The following ZNF704 variants were observed in gnomAD, a reference collection of about 807,000 sequenced individuals.
ZNF704 encodes glucocorticoid induced gene 1.
ZNF704 carries 10 observed loss-of-function variants against 44.7 expected under a neutral mutation model. The observed-to-expected ratio is 0.22, with a 90% CI of 0.14 to 0.38. The LOEUF is 0.38. Among genes scored for constraint, ZNF704 ranks in the 10% least tolerant of loss-of-function variants. The pLI, the probability that ZNF704 is intolerant of heterozygous loss-of-function variation, is 1.00. For synonymous variants in ZNF704, 211 were observed against 207.6 expected (o/e 1.02, Z -0.14); for missense variants, 390 against 545.5 (o/e 0.71, Z 2.84).
At chr8:80,645,424 A>G (rs957318097) in intron 7 of ZNF704, among the ~76,000 whole-genome samples, 6 of 152,178 alleles carry the variant, frequency 3.9e-5, no homozygotes, top group African/African-American at 1.4e-4. Context: ...ACGTAAAGGA[A>G]TGCACATGAC....
intron 1 of ZNF704, among the ~76,000 whole-genome samples, chr8:80,861,799 C>T (rs75071453): frequency 0.012 from 1,770 of 151,610 alleles, 32 homozygotes; most frequent in African/African-American, 0.04. Context: ...TCCAGCCTAC[C>T]TGACGTCTCC....
chr8:80,733,462 C>T (rs964270205), intron 2 of ZNF704, among the ~76,000 whole-genome samples: 3 of 152,160 alleles, frequency 2.0e-5, no homozygotes, highest in Admixed American at 6.5e-5. Flanking sequence ...ACCAGCAATC[C>T]AAGATAATCT....
intron 4 of ZNF704, among the ~76,000 whole-genome samples, chr8:80,676,861 G>A (rs1159303590): frequency 5.9e-5 from 9 of 152,174 alleles, no homozygotes; most frequent in South Asian, 2.1e-4. Flanking sequence ...AATCTAATGC[G>A]GCTGTTGACC....
At chr8:80,876,621 T>C (rs1297138024), upstream of ZNF704, among the ~76,000 whole-genome samples, 1 of 152,192 alleles carries the variant, frequency 6.6e-6, no homozygotes, top group East Asian at 1.9e-4. Context: ...AGCTTTACTT[T>C]TACTCATCCT....
chr8:80,861,375 T>C lies in ZNF704; in HGVS notation c.-22+13196A>G, dbSNP rs191936893. On this transcript the variant is annotated intron_variant, in intron 1 of 8. Transcript: ENST00000327835. The stretch of plus-strand genomic sequence containing the variant: ...TTAACCCTCTCCTTTCCTCCACTTC[T>C]TTTTTTTCCTGAAAAATGCAATGAA... Among the ~76,000 whole-genome samples, 520 of 150,580 alleles carry C rather than the reference T, an allele frequency of 3.5e-3. 4 individuals carry two copies. The highest frequency in any genetic ancestry group is 0.028 in the South Asian group (133 of 4,816).
chr8:80,819,385 A>AT (rs1202043249), intron 2 of ZNF704, among the ~76,000 whole-genome samples: 2 of 152,184 alleles, frequency 1.3e-5, no homozygotes, highest in Admixed American at 6.5e-5. Flanking sequence ...GAATTAAAGA[A>AT]TAAAGGTATA....
At chr8:80,650,187 G>T (rs1220062542) in intron 7 of ZNF704, among the ~76,000 whole-genome samples, 1 of 151,344 alleles carries the variant, frequency 6.6e-6, no homozygotes, top group Non-Finnish European at 1.5e-5. Context: ...AAAGACCAAA[G>T]GTAGATAAAA....
At chr8:80,718,057 T>C (rs1308748624) in intron 2 of ZNF704, among the ~76,000 whole-genome samples, 1 of 152,188 alleles carries the variant, frequency 6.6e-6, no homozygotes, top group African/African-American at 2.4e-5. Context: ...GCCTTCCTCG[T>C]TTTTGTCTCC....
Position 80,636,880 on chromosome 8 carries a change from T to G in ZNF704, c.*4486A>C, listed in dbSNP as rs1817670049. On this transcript the variant is annotated 3_prime_UTR_variant, in exon 9 of 9. Coordinates refer to ENST00000327835, the MANE Select transcript of ZNF704 (RefSeq NM_001033723.3). Reference sequence around the variant, plus strand: ...CATGGAAGTTTGTTCGCTAACATGCTATTAAAGCAAAATGTACATCGTTCA... The same window carrying G: ...CATGGAAGTTTGTTCGCTAACATGCGATTAAAGCAAAATGTACATCGTTCA... 1 of 152,222 alleles carries G rather than the reference T, an allele frequency of 6.6e-6. No homozygotes were observed. The highest frequency in any genetic ancestry group is 1.5e-5 in the Non-Finnish European group (1 of 68,038). The allele number at this position is 152,222 out of a possible 1,614,324, so 9.4% of individuals were successfully genotyped here.
At chr8:80,726,392 GAC>G (rs1426574784) in intron 2 of ZNF704, among the ~76,000 whole-genome samples, 1 of 152,114 alleles carries the variant, frequency 6.6e-6, no homozygotes, top group Non-Finnish European at 1.5e-5. Flanking sequence ...GGTGTAAAAA[GAC>G]ACTTTTCAGC....
chr8:80,654,066 C>G (rs1274797737), intron 7 of ZNF704, among the ~76,000 whole-genome samples: 1 of 152,056 alleles, frequency 6.6e-6, no homozygotes, highest in Non-Finnish European at 1.5e-5. Flanking sequence ...CTTTGACAAA[C>G]CTGACAAAAA....
intron 8 of ZNF704, among the ~76,000 whole-genome samples, chr8:80,642,575 C>A (rs1429394689): frequency 6.6e-6 from 1 of 152,180 alleles, no homozygotes; most frequent in Non-Finnish European, 1.5e-5. Flanking sequence ...TCATTTATTT[C>A]TGGAATTCTC....
At chr8:80,728,785 C>G (rs1443036739) in intron 2 of ZNF704, among the ~76,000 whole-genome samples, 2 of 152,180 alleles carry the variant, frequency 1.3e-5, no homozygotes, top group Non-Finnish European at 2.9e-5. Context: ...CCTAAACTCA[C>G]TTTGTAACGC....
intron 1 of ZNF704, among the ~76,000 whole-genome samples, chr8:80,862,539 C>G (rs1809083019): frequency 6.8e-6 from 1 of 146,158 alleles, no homozygotes; most frequent in Non-Finnish European, 1.5e-5. Flanking sequence ...GCAGGCAGAT[C>G]ACCTGAGGGC....
rs1193947947 is a variant in ZNF704, at chr8:80,682,373, C to T, written c.558+4853G>A. Among the ~76,000 whole-genome samples, 5 of 152,198 alleles carry T rather than the reference C, an allele frequency of 3.3e-5. No homozygotes were observed. In the South Asian group the frequency reaches 8.3e-4, roughly 25 times the overall value. ...TGAGGTTCTTCCTAGTACACAGGTA[C>T]AACTGTTCATGGTTAAGACACATAC... On this transcript the variant is annotated intron_variant, in intron 4 of 8. Transcript: ENST00000327835.
rs766974376 is a variant in ZNF704, at chr8:80,643,016, GT to G, written c.1127+18del. ...ATTCCCTTGTGGTGAGGTGTGTGGAGTTTTTTAAGCTGTCGTACCTTAAGCT... is the reference window on the plus strand; with the variant it reads ...ATTCCCTTGTGGTGAGGTGTGTGGAGTTTTTAAGCTGTCGTACCTTAAGCT... On this transcript the variant is annotated intron_variant, in intron 8 of 8. Transcript: ENST00000327835. 2 of 1,534,394 alleles carry G rather than the reference GT, an allele frequency of 1.3e-6. No homozygotes were observed. The highest frequency in any genetic ancestry group is 1.2e-5 in the South Asian group (1 of 80,588).
chr8:80,824,531 C>T (rs1002622798), intron 1 of ZNF704, among the ~76,000 whole-genome samples: 1 of 152,186 alleles, frequency 6.6e-6, no homozygotes, highest in Non-Finnish European at 1.5e-5. Context: ...CTTCCCCAAC[C>T]TAGCAAGGCA....
chr8:80,821,369 C>T lies in ZNF704; in HGVS notation c.221+5G>A. The stretch of plus-strand genomic sequence containing the variant: ...AGACACATGTGAGATTTAATGTTCC[C>T]TTACCTTGCTGGAGGAACATCAATG... On this transcript the variant is annotated splice_donor_5th_base_variant and intron_variant, in intron 2 of 8. Coordinates refer to ENST00000327835, the MANE Select transcript of ZNF704 (RefSeq NM_001033723.3). The T allele has an allele frequency of 6.2e-7, 1 of 1,613,392 alleles. No homozygotes were observed. The highest frequency in any genetic ancestry group is 8.5e-7 in the Non-Finnish European group (1 of 1,179,618).
At position 80,635,893 on chromosome 8, in the gene ZNF704, A is replaced by G. The variant is rs896953331; in HGVS notation, c.*5473T>C. ...TAATTAAAAAGATATGCATCAAAAC[A>G]TTTGCTTAAAAGAGACATAGCCCTT... is the stretch of plus-strand genomic sequence containing the variant. On this transcript the variant is annotated 3_prime_UTR_variant, in exon 9 of 9. Transcript: ENST00000327835. The G allele has an allele frequency of 6.6e-6, 1 of 152,166 alleles. No homozygotes were observed. Among genetic ancestry groups the G allele is most frequent in the African/African-American group, 2.4e-5 (1 of 41,442 alleles). 9.4% of individuals were successfully genotyped at this position (152,166 alleles called of 1,614,324 possible).
Sources: allele counts gnomAD v4.1 joint callset (sites outside exome capture counted in the v4.1 genomes callset), GRCh38; gene constraint gnomAD v4.1.1; transcripts MANE v1.5; gene names NCBI Gene and HGNC (gene_info 2026-07-23, HGNC 2026-07-21).